The following TTC28 variants were observed in gnomAD, a reference collection of about 807,000 sequenced individuals.
The protein encoded by TTC28 is tetratricopeptide repeat protein 28.
Under a neutral mutation model 198.0 loss-of-function variants are expected in TTC28, and 61 were observed. That is an observed-to-expected ratio of 0.31 (90% CI 0.25 to 0.38). The LOEUF (loss-of-function observed/expected upper bound fraction) is 0.38. Ranked by LOEUF, TTC28 falls within the 10% of genes least tolerant of loss-of-function variation. The probability of loss-of-function intolerance (pLI) is 1.00; values close to 1 mark genes in which losing one functional copy is unlikely to be tolerated. For synonymous variants in TTC28, 1,171 were observed against 1,297.8 expected, an observed-to-expected ratio of 0.90 and a Z score of 2.10; for missense variants, 2,678 against 3,164.0, an observed-to-expected ratio of 0.85 and a Z score of 3.69.
intron 2 of TTC28, among the ~76,000 whole-genome samples, chr22:28,582,972 T>G (rs1192278464): frequency 1.3e-5 from 2 of 152,116 alleles, no homozygotes; most frequent in Non-Finnish European, 2.9e-5. Context: ...GGAAAGAGTG[T>G]GTTCACATGA....
intron 12 of TTC28, among the ~76,000 whole-genome samples, chr22:28,037,704 A>G (rs987752687): frequency 1.3e-5 from 2 of 152,194 alleles, no homozygotes; most frequent in African/African-American, 4.8e-5. Flanking sequence ...AGGGCATTCA[A>G]TTAGGAAAAG....
Position 27,983,301 on chromosome 22 carries a change from G to A in TTC28, c.6366C>T (p.Phe2122=). ...MTLIPSPNSP[F]QKVGKLASSD... Reference sequence around the variant, plus strand: ...AGCTTGCTAGTTTTCCCACCTTTTGGAAGGGTGAGTTGGGGCTGGGAATCA... The same window carrying A: ...AGCTTGCTAGTTTTCCCACCTTTTGAAAGGGTGAGTTGGGGCTGGGAATCA... Residue 2122 remains phenylalanine (F), a synonymous_variant, in exon 23 of 23, where the codon TTC becomes TTT. Transcript: ENST00000397906. 6.4e-7 allele frequency: 1 copy of A among 1,552,050 alleles called. No individual in the cohort carries two copies.
intron 22 of TTC28, among the ~76,000 whole-genome samples, chr22:27,984,143 C>G (rs1314895129): frequency 6.6e-6 from 1 of 152,106 alleles, no homozygotes; most frequent in East Asian, 1.9e-4. Flanking sequence ...CAGCATGACC[C>G]TGTATCCGCC....
intron 11 of TTC28, 106 bp downstream of exon 11, chr22:28,096,084 A>G (rs1161967974): frequency 7.3e-7 from 1 of 1,361,012 alleles, no homozygotes; most frequent in African/African-American, 1.5e-5. Context: ...ATCTGACATC[A>G]GTTCCTTAGT....
At chr22:28,178,152 T>A (rs1038102794) in intron 5 of TTC28, among the ~76,000 whole-genome samples, 2 of 152,042 alleles carry the variant, frequency 1.3e-5, no homozygotes, top group Admixed American at 6.6e-5. Context: ...AACCTAAAAC[T>A]GCTAGAAGAA....
At position 27,990,726 on chromosome 22, in the gene TTC28, A is replaced by G. The variant is rs970667766; in HGVS notation, c.5577+63T>C. The G allele has an allele frequency of 6.0e-6, 9 of 1,494,224 alleles. No individual in the cohort carries two copies. In the Admixed American group the frequency reaches 8.1e-5, roughly 14 times the overall value. 92.6% of individuals were successfully genotyped at this position (1,494,224 alleles called of 1,614,324 possible). A position where few individuals can be genotyped will look rare whatever the true frequency, so the allele number is the denominator to read the frequency against. Reference sequence around the variant, plus strand: ...CCGAGCTCAGAGCCTGCCCAGGGGAACTCGGGGGTGGGTGGGTTGAGGGGC... The same window carrying G: ...CCGAGCTCAGAGCCTGCCCAGGGGAGCTCGGGGGTGGGTGGGTTGAGGGGC... On this transcript the variant is annotated intron_variant, in intron 20 of 22. Coordinates refer to ENST00000397906, the MANE Select transcript of TTC28 (RefSeq NM_001145418.2).
intron 2 of TTC28, among the ~76,000 whole-genome samples, chr22:28,346,742 A>C (rs753976226): frequency 2.6e-5 from 4 of 152,194 alleles, no homozygotes; most frequent in Non-Finnish European, 5.9e-5. Flanking sequence ...ATTTAGAGGA[A>C]GGGGAGCAAG....
intron 21 of TTC28, 80 bp from the exon 22 acceptor site, chr22:27,985,436 G>C (rs1937177473): frequency 8.8e-7 from 1 of 1,133,952 alleles, no homozygotes; most frequent in African/African-American, 1.5e-5. Flanking sequence ...AGGGCTCCTT[G>C]TGCAACTTCA....
At chr22:28,606,170 A>T (rs1601615347) in intron 2 of TTC28, among the ~76,000 whole-genome samples, 1 of 147,280 alleles carries the variant, frequency 6.8e-6, no homozygotes, top group African/African-American at 2.5e-5. Context: ...TGCAACCTCC[A>T]CCTCCTGGGT....
At chr22:28,239,323 A>G (rs1929489730) in intron 5 of TTC28, among the ~76,000 whole-genome samples, 2 of 152,178 alleles carry the variant, frequency 1.3e-5, no homozygotes, top group South Asian at 4.1e-4. Context: ...AAATATGACC[A>G]GTGACTTTTT....
At chr22:28,258,185 G>T (rs1931089437) in intron 5 of TTC28, among the ~76,000 whole-genome samples, 1 of 152,114 alleles carries the variant, frequency 6.6e-6, no homozygotes, top group Non-Finnish European at 1.5e-5. Flanking sequence ...TGCGTAATTT[G>T]TTCTTCAAAA....
At chr22:28,475,407 G>A (rs2048150709) in intron 2 of TTC28, among the ~76,000 whole-genome samples, 1 of 152,062 alleles carries the variant, frequency 6.6e-6, no homozygotes, top group Non-Finnish European at 1.5e-5. Flanking sequence ...GGAAATGGAA[G>A]GAAATCTGAG....
At chr22:28,585,419 G>A (rs1484407248) in intron 2 of TTC28, among the ~76,000 whole-genome samples, 4 of 152,138 alleles carry the variant, frequency 2.6e-5, no homozygotes, top group Non-Finnish European at 5.9e-5. Context: ...CGCAGTTCAC[G>A]ATAGGGTTAA....
intron 2 of TTC28, among the ~76,000 whole-genome samples, chr22:28,483,172 G>A (rs1171054030): frequency 6.6e-6 from 1 of 152,138 alleles, no homozygotes; most frequent in Non-Finnish European, 1.5e-5. Context: ...CACCAGACAT[G>A]TATTAGATAA....
At chr22:28,053,880 G>C (rs1940177516) in intron 12 of TTC28, among the ~76,000 whole-genome samples, 1 of 152,114 alleles carries the variant, frequency 6.6e-6, no homozygotes, top group African/African-American at 2.4e-5. Context: ...ATCCTTTAGA[G>C]CAAAAAATAA....
rs147681631 is a variant in TTC28 at position 28,099,705 on chromosome 22, G to C, written c.3418-661C>G. Among the ~76,000 whole-genome samples, 362 of 152,358 alleles carry C rather than the reference G, an allele frequency of 2.4e-3. 2 individuals carry two copies. The highest frequency in any genetic ancestry group is 8.2e-3 in the African/African-American group (342 of 41,574). ...TAAAACAGATATTAATCCACCAAGT[G>C]CTGATTTTTATTAAAACAAAAAGCC... On this transcript the variant is annotated intron_variant, in intron 9 of 22. Transcript: ENST00000397906.
In TTC28 at chr22:27,993,405, G is replaced by A. The variant is rs1282542591; in HGVS notation, c.5358C>T (p.Thr1786=). The change falls in exon 18 of 23, where the codon ACC becomes ACT. Residue 1786 remains threonine (T), a synonymous_variant. Coordinates refer to ENST00000397906, the MANE Select transcript of TTC28 (RefSeq NM_001145418.2). Reference sequence around the variant, plus strand: ...GGGGGTCCAGCCGGAAGCCCACAGCGGTGAGGAGGGCCTGCCAGCCAGGGA... The same window carrying A: ...GGGGGTCCAGCCGGAAGCCCACAGCAGTGAGGAGGGCCTGCCAGCCAGGGA... ...GGIPGWQALL[T]AVGFRLDPPT... 46 of 1,551,266 alleles carry A rather than the reference G, an allele frequency of 3.0e-5. No homozygotes were observed. Among genetic ancestry groups the A allele is most frequent in the East Asian group, 4.9e-5 (2 of 40,926 alleles).
At chr22:28,359,267 T>G (rs533058736) in intron 2 of TTC28, among the ~76,000 whole-genome samples, 295 of 152,334 alleles carry the variant, frequency 1.9e-3, no homozygotes, top group Admixed American at 3.3e-3. Context: ...TGGCTATCTA[T>G]CTTAGGTATC....
intron 2 of TTC28, among the ~76,000 whole-genome samples, chr22:28,359,754 C>G (rs903454784): frequency 6.6e-6 from 1 of 152,100 alleles, no homozygotes; most frequent in African/African-American, 2.4e-5. Flanking sequence ...ATAGGCTACC[C>G]TACTGGGCAT....
Sources: allele counts gnomAD v4.1 joint callset (sites outside exome capture counted in the v4.1 genomes callset), GRCh38; gene constraint gnomAD v4.1.1; transcripts MANE v1.5; gene names NCBI Gene and HGNC (gene_info 2026-07-23, HGNC 2026-07-21).